FAXC: variants seen among roughly 807,000 people sequenced by gnomAD.
FAXC encodes failed axon connections homolog.
In FAXC, 10 loss-of-function variants were observed where a neutral mutation model predicts 41.9. That is an observed-to-expected ratio of 0.24 (90% CI 0.15 to 0.41). The LOEUF (loss-of-function observed/expected upper bound fraction) is 0.41, where lower values mean the gene tolerates loss of function less well. Among genes scored for constraint, FAXC ranks in the 10% least tolerant of loss-of-function variants. The pLI is 1.00. For missense variants in FAXC, 399 were observed against 510.9 expected, an observed-to-expected ratio of 0.78 and a Z score of 2.11; for synonymous variants, 183 against 183.8, an observed-to-expected ratio of 1.00 and a Z score of 0.03.
intron 1 of FAXC, among the ~76,000 whole-genome samples, chr6:99,345,561 C>T (rs1284852025): frequency 6.6e-6 from 1 of 152,136 alleles, no homozygotes; most frequent in Non-Finnish European, 1.5e-5. Flanking sequence ...ATAAAGTGAT[C>T]TTACCATAAG....
At chr6:99,347,080 A>G (rs895192300) in intron 1 of FAXC, among the ~76,000 whole-genome samples, 2 of 151,886 alleles carry the variant, frequency 1.3e-5, no homozygotes, top group African/African-American at 4.8e-5. Flanking sequence ...TGGGCAACAT[A>G]GTGAGACCCC....
intron 4 of FAXC, among the ~76,000 whole-genome samples, chr6:99,317,284 G>A (rs1206200111): frequency 6.6e-6 from 1 of 152,018 alleles, no homozygotes; most frequent in Non-Finnish European, 1.5e-5. Context: ...CTAGAGGCTG[G>A]GCAGCAAGCC....
At chr6:99,344,283 C>A (rs1343511095) in intron 1 of FAXC, among the ~76,000 whole-genome samples, 1 of 152,144 alleles carries the variant, frequency 6.6e-6, no homozygotes, top group African/African-American at 2.4e-5. Flanking sequence ...CCACTCATAC[C>A]CCACTCCTCG....
intron 5 of FAXC, among the ~76,000 whole-genome samples, chr6:99,288,589 A>G (rs9389197): frequency 6.6e-6 from 1 of 152,196 alleles, no homozygotes; most frequent in Non-Finnish European, 1.5e-5. Flanking sequence ...ATGTGATAAC[A>G]TATTTAGTTT....
chr6:99,333,227 C>T, intron 3 of FAXC, 124 bp downstream of exon 3: 5 of 784,694 alleles, frequency 6.4e-6, no homozygotes, highest in Non-Finnish European at 1.0e-5. Context: ...GATGACTGAG[C>T]CACTCACTTC....
intron 4 of FAXC, among the ~76,000 whole-genome samples, chr6:99,319,398 C>CAAAA (rs57370118): frequency 6.3e-5 from 3 of 47,636 alleles, no homozygotes; most frequent in African/African-American, 1.3e-4. Context: ...GACTCCGTCT[C>CAAAA]AAAAAAAAAA....
chr6:99,288,847 G>GACACACAC (rs11274408), intron 5 of FAXC, among the ~76,000 whole-genome samples: 5,875 of 69,396 alleles, frequency 0.085, 157 homozygotes, highest in Admixed American at 0.097. Flanking sequence ...CACATGAATC[G>GACACACAC]ACACACACAC....
chr6:99,282,203 T>A (rs1337938770), intron 5 of FAXC, among the ~76,000 whole-genome samples: 2 of 152,200 alleles, frequency 1.3e-5, no homozygotes, highest in Non-Finnish European at 2.9e-5. Context: ...TGTGATTGGT[T>A]CATATATAAA....
chr6:99,319,853 T>C (rs571618021), intron 4 of FAXC, among the ~76,000 whole-genome samples: 22 of 152,352 alleles, frequency 1.4e-4, no homozygotes, highest in Non-Finnish European at 2.2e-4. Flanking sequence ...CTTGTTTACA[T>C]GTTAGCTTTG....
At chr6:99,316,186 C>T (rs1772344892) in intron 4 of FAXC, among the ~76,000 whole-genome samples, 1 of 150,954 alleles carries the variant, frequency 6.6e-6, no homozygotes, top group Non-Finnish European at 1.5e-5. Context: ...GGGTTGCCCC[C>T]TTAACATTCC....
chr6:99,290,209 C>T (rs990723880), intron 5 of FAXC, among the ~76,000 whole-genome samples: 1 of 151,576 alleles, frequency 6.6e-6, no homozygotes, highest in Non-Finnish European at 1.5e-5. Flanking sequence ...GCCATTTCCA[C>T]CATGAATTTT....
intron 3 of FAXC, among the ~76,000 whole-genome samples, chr6:99,327,137 C>G (rs141233645): frequency 1.2e-3 from 176 of 152,322 alleles, no homozygotes; most frequent in African/African-American, 4.1e-3. Context: ...CTCTCTTTCA[C>G]TCTCTGTGCT....
At chr6:99,301,011 T>C (rs1771683034) in intron 4 of FAXC, among the ~76,000 whole-genome samples, 1 of 152,254 alleles carries the variant, frequency 6.6e-6, no homozygotes, top group African/African-American at 2.4e-5. Flanking sequence ...CTTCATTTTA[T>C]GGATTTTAGG....
At chr6:99,344,346 TA>T (rs1773523028) in intron 1 of FAXC, among the ~76,000 whole-genome samples, 1 of 152,128 alleles carries the variant, frequency 6.6e-6, no homozygotes, top group African/African-American at 2.4e-5. Flanking sequence ...TCTAGTCAGA[TA>T]AACTTCACTC....
chr6:99,294,506 G>A (rs1013545044), intron 4 of FAXC, among the ~76,000 whole-genome samples: 1 of 152,210 alleles, frequency 6.6e-6, no homozygotes, highest in South Asian at 2.1e-4. Flanking sequence ...TGGAAGCCAT[G>A]AGAGGGCTTC....
intron 5 of FAXC, among the ~76,000 whole-genome samples, chr6:99,289,936 G>A (rs1223283371): frequency 6.6e-6 from 1 of 151,544 alleles, no homozygotes; most frequent in Non-Finnish European, 1.5e-5. Flanking sequence ...CTCGGCACCA[G>A]AAGAGAGTAC....
Position 99,291,745 on chromosome 6 carries a change from A to C in FAXC, c.899T>G (p.Met300Arg). 6.2e-7 allele frequency: 1 copy of C among 1,614,126 alleles called. No individual in the cohort carries two copies. The highest frequency in any genetic ancestry group is 8.5e-7 in the Non-Finnish European group (1 of 1,180,020). Residue 300 changes from methionine to arginine, a missense_variant, in exon 5 of 6, where the codon ATG becomes AGG. Physicochemically the swap from Met to Arg is moderately conservative, Grantham distance 91. Around this residue, in one of 3 missense-constraint regions of FAXC, gnomAD observed 239 missense variants for 352.7 expected, o/e 0.68. Coordinates refer to ENST00000389677, the MANE Select transcript of FAXC (RefSeq NM_032511.4). ...ATVFGHLAQA[M>R]WTLPGTRPER... Reference sequence around the variant, plus strand: ...GGGTCTTGTCCCTGGTAAGGTCCACATTGCCTGTGCCAAGTGTCCAAAGAC... The same window carrying C: ...GGGTCTTGTCCCTGGTAAGGTCCACCTTGCCTGTGCCAAGTGTCCAAAGAC...
At chr6:99,307,545 G>A (rs1771973257) in intron 4 of FAXC, among the ~76,000 whole-genome samples, 1 of 152,124 alleles carries the variant, frequency 6.6e-6, no homozygotes, top group African/African-American at 2.4e-5. Flanking sequence ...ATCCACTGTG[G>A]CAGCAGTGGG....
rs926455626 is a variant in FAXC, at chr6:99,274,663, G to C, written c.*6501C>G. The C allele has an allele frequency of 7.2e-5, 11 of 152,262 alleles. No homozygotes were observed. Among genetic ancestry groups the C allele is most frequent in the African/African-American group, 2.6e-4 (11 of 41,564 alleles). 9.4% of individuals were successfully genotyped at this position (152,262 alleles called of 1,614,324 possible). A position where few individuals can be genotyped will look rare whatever the true frequency, so the allele number is the denominator to read the frequency against. ...TACTTGCAATAAAATCATTTTGACA[G>C]GAGTAACATTAAAATCATTTTACAG... On this transcript the variant is annotated 3_prime_UTR_variant, in exon 6 of 6. Coordinates refer to ENST00000389677, the MANE Select transcript of FAXC (RefSeq NM_032511.4).
Sources: allele counts gnomAD v4.1 joint callset (sites outside exome capture counted in the v4.1 genomes callset), GRCh38; gene constraint gnomAD v4.1.1; regional missense constraint gnomAD v4.1.1; transcripts MANE v1.5; gene names NCBI Gene and HGNC (gene_info 2026-07-23, HGNC 2026-07-21).